NEGR1: variants seen among roughly 807,000 people sequenced by gnomAD.
NEGR1 encodes neuronal growth regulator 1, also known as IgLON family member 4.
In NEGR1, 10 loss-of-function variants were observed where a neutral mutation model predicts 40.9. The ratio of observed to expected loss-of-function variants is 0.24; its 90% CI spans 0.15 to 0.42. The LOEUF is 0.42. Among genes scored for constraint, NEGR1 ranks in the 10% least tolerant of loss-of-function variants. NEGR1 has a pLI of 1.00. For missense variants in NEGR1, 352 were observed against 438.9 expected (o/e 0.80, Z 1.77); for synonymous variants, 185 against 166.8 (o/e 1.11, Z -0.84).
At chr1:72,030,367 C>T (rs552916045) in intron 1 of NEGR1, among the ~76,000 whole-genome samples, 2 of 151,794 alleles carry the variant, frequency 1.3e-5, no homozygotes, top group South Asian at 2.1e-4. Flanking sequence ...CCACCATGCC[C>T]GGCTAATAAC....
intron 2 of NEGR1, among the ~76,000 whole-genome samples, chr1:71,793,559 A>C (rs1166912461): frequency 1.3e-5 from 2 of 152,010 alleles, no homozygotes; most frequent in African/African-American, 4.8e-5. Context: ...AATGAGGAAA[A>C]TATTGCCAAT....
At chr1:72,006,651 A>C (rs1396176480) in intron 1 of NEGR1, among the ~76,000 whole-genome samples, 1 of 152,188 alleles carries the variant, frequency 6.6e-6, no homozygotes, top group Non-Finnish European at 1.5e-5. Flanking sequence ...AATTACATTA[A>C]AATAAAAGTG....
intron 4 of NEGR1, among the ~76,000 whole-genome samples, chr1:71,675,136 C>CACACAA (rs1652581528): frequency 1.4e-4 from 1 of 6,982 alleles, no homozygotes; most frequent in African/African-American, 2.6e-4. Flanking sequence ...TACACACACA[C>CACACAA]ATATGAATTC....
At chr1:71,564,603 G>A (rs1648559738) in intron 6 of NEGR1, among the ~76,000 whole-genome samples, 1 of 152,010 alleles carries the variant, frequency 6.6e-6, no homozygotes, top group South Asian at 2.1e-4. Context: ...GCTCTATACA[G>A]TAAGAAAACA....
chr1:72,152,660 A>T (rs1192910184), intron 1 of NEGR1, among the ~76,000 whole-genome samples: 1 of 151,964 alleles, frequency 6.6e-6, no homozygotes, highest in Non-Finnish European at 1.5e-5. Flanking sequence ...TCTACCAAAA[A>T]TAAGCATGTA....
chr1:72,261,717 A>G lies in NEGR1; in HGVS notation c.176+20602T>C, dbSNP rs143617881. Among the ~76,000 whole-genome samples, 1,154 of 152,152 alleles carry G rather than the reference A, an allele frequency of 7.6e-3. 10 individuals are homozygous for G. Among genetic ancestry groups the G allele is most frequent in the Non-Finnish European group, 0.012 (829 of 67,956 alleles). On this transcript the variant is annotated intron_variant, in intron 1 of 6. Transcript: ENST00000357731. ...AAGAATGAAATCAAGTCTTTACAAC[A>G]TGGATGAAACTGGAGGCCATTATCC...
chr1:71,942,659 G>A (rs1313931278), intron 1 of NEGR1, among the ~76,000 whole-genome samples: 10 of 135,236 alleles, frequency 7.4e-5, no homozygotes, highest in African/African-American at 2.4e-4. Context: ...CCGCCACTAC[G>A]CCCGGCTAAT....
rs1569927771 is a variant in NEGR1, at chr1:71,482,090, C to T, written c.941-74520G>A. ...TTTTGATATTGATGAAACACTGAAA[C>T]AAGAGCAATGAAGATTAAACCCCTG... is the stretch of plus-strand genomic sequence containing the variant. On this transcript the variant is annotated intron_variant, in intron 6 of 6. Coordinates refer to ENST00000357731, the MANE Select transcript of NEGR1 (RefSeq NM_173808.3). Among the ~76,000 whole-genome samples the T allele has an allele frequency of 3.3e-5, 5 of 151,862 alleles. No individual in the cohort carries two copies. In the South Asian group the frequency reaches 1.0e-3, roughly 31 times the overall value.
chr1:71,963,804 T>G (rs575569033), intron 1 of NEGR1, among the ~76,000 whole-genome samples: 2 of 152,302 alleles, frequency 1.3e-5, no homozygotes, highest in Non-Finnish European at 2.9e-5. Context: ...CTCATTTTTT[T>G]GACAGTGTAG....
At chr1:72,090,771 T>C (rs1033694381) in intron 1 of NEGR1, among the ~76,000 whole-genome samples, 2 of 152,154 alleles carry the variant, frequency 1.3e-5, no homozygotes, top group Admixed American at 1.3e-4. Context: ...TGCCTGCTTG[T>C]TTTCTCCCTG....
rs550319118 is a variant in NEGR1, at chr1:71,771,471, C to T, written c.535+4701G>A. Reference sequence around the variant, plus strand: ...ATAAAACAAAAATGGAAGGCCGAGGCACGTGGATCACCTGAGGTTGGGAGA... The same window carrying T: ...ATAAAACAAAAATGGAAGGCCGAGGTACGTGGATCACCTGAGGTTGGGAGA... On this transcript the variant is annotated intron_variant, in intron 3 of 6. Transcript: ENST00000357731. Among the ~76,000 whole-genome samples the T allele has an allele frequency of 2.1e-4, 32 of 151,960 alleles. No homozygotes were observed. In the Middle Eastern group the frequency reaches 0.01, roughly 48 times the overall value.
At chr1:72,238,981 A>AT (rs1654648939) in intron 1 of NEGR1, among the ~76,000 whole-genome samples, 1 of 151,792 alleles carries the variant, frequency 6.6e-6, no homozygotes, top group Admixed American at 6.6e-5. Context: ...TCTTCATTGT[A>AT]TTTTTCCTTC....
chr1:71,869,886 T>TC (rs2101831892), intron 2 of NEGR1, among the ~76,000 whole-genome samples: 1 of 149,398 alleles, frequency 6.7e-6, no homozygotes, highest in East Asian at 1.9e-4. Flanking sequence ...TTTCTTTCTT[T>TC]TTTTTTTTTT....
intron 6 of NEGR1, among the ~76,000 whole-genome samples, chr1:71,454,287 C>G (rs979098969): frequency 6.6e-6 from 1 of 151,932 alleles, no homozygotes; most frequent in African/African-American, 2.4e-5. Context: ...CTTTTTAGAG[C>G]TTATGGTGAC....
chr1:72,074,548 C>T lies in NEGR1; in HGVS notation c.177-139237G>A, dbSNP rs553755936. Among the ~76,000 whole-genome samples, 6 of 152,088 alleles carry T rather than the reference C, an allele frequency of 3.9e-5. No homozygotes were observed. In the East Asian group the frequency reaches 1.2e-3, roughly 29 times the overall value. On this transcript the variant is annotated intron_variant, in intron 1 of 6. Coordinates refer to ENST00000357731, the MANE Select transcript of NEGR1 (RefSeq NM_173808.3). ...CTGAAAAAGGACTTTTGCTATACTC[C>T]TACTTCTACGTCATTAAAAAAGCGT...
chr1:71,603,278 G>T (rs1176977942), intron 5 of NEGR1, among the ~76,000 whole-genome samples: 3 of 152,172 alleles, frequency 2.0e-5, no homozygotes, highest in Non-Finnish European at 4.4e-5. Flanking sequence ...ACATATAACT[G>T]CCTACGTTGC....
At chr1:71,825,759 T>C (rs972454194) in intron 2 of NEGR1, among the ~76,000 whole-genome samples, 15 of 151,912 alleles carry the variant, frequency 9.9e-5, no homozygotes, top group Non-Finnish European at 2.9e-5. Context: ...TCCTAACTCA[T>C]AATAAACACT....
intron 2 of NEGR1, among the ~76,000 whole-genome samples, chr1:71,839,814 A>G (rs1659173709): frequency 6.6e-6 from 1 of 152,148 alleles, no homozygotes; most frequent in Admixed American, 6.6e-5. Flanking sequence ...AAATCTATTC[A>G]CTTCAAAGTG....
chr1:72,033,690 T>C (rs972436953), intron 1 of NEGR1, among the ~76,000 whole-genome samples: 6 of 152,230 alleles, frequency 3.9e-5, no homozygotes, highest in Admixed American at 6.5e-5. Flanking sequence ...ACTGGGTTTA[T>C]GAACAAAACA....
Sources: allele counts gnomAD v4.1 joint callset (sites outside exome capture counted in the v4.1 genomes callset), GRCh38; gene constraint gnomAD v4.1.1; transcripts MANE v1.5; gene names NCBI Gene and HGNC (gene_info 2026-07-23, HGNC 2026-07-21).